The following PALLD variants were observed in gnomAD, a reference collection of about 807,000 sequenced individuals.
PALLD encodes palladin, cytoskeletal associated protein.
A neutral mutation model predicts 123.5 loss-of-function variants in PALLD; 61 were observed. The ratio of observed to expected loss-of-function variants is 0.49; its 90% CI spans 0.40 to 0.61. The LOEUF (loss-of-function observed/expected upper bound fraction) is 0.61. PALLD is among the 20% of genes least tolerant of loss of function. The probability of loss-of-function intolerance (pLI) is 0.00; values close to 1 mark genes in which losing one functional copy is unlikely to be tolerated. For missense variants in PALLD, 1,273 were observed against 1,377.0 expected, an observed-to-expected ratio of 0.92 and a Z score of 1.20; for synonymous variants, 465 against 496.4, an observed-to-expected ratio of 0.94 and a Z score of 0.84.
chr4:168,921,499 T>C (rs759928596), intron 17 of PALLD, 35 bp from the exon 18 acceptor site: 15 of 1,426,190 alleles, frequency 1.1e-5, no homozygotes, highest in Middle Eastern at 1.9e-4. Flanking sequence ...TCTGTTTTAA[T>C]ACAAAAATTT....
At chr4:168,605,937 AT>A (rs5863947) in intron 2 of PALLD, among the ~76,000 whole-genome samples, 26,368 of 151,044 alleles carry the variant, frequency 0.17, 2,383 homozygotes, top group East Asian at 0.32. Flanking sequence ...AGTTTGCCCA[AT>A]TTTTTTTTAG....
intron 10 of PALLD, among the ~76,000 whole-genome samples, chr4:168,826,797 C>T (rs757692228): frequency 1.3e-5 from 2 of 152,164 alleles, no homozygotes; most frequent in African/African-American, 4.8e-5. Flanking sequence ...AATACCTTAA[C>T]CTCCACTTCA....
chr4:168,707,565 G>A (rs969188609), intron 8 of PALLD, among the ~76,000 whole-genome samples: 4 of 152,232 alleles, frequency 2.6e-5, no homozygotes, highest in Admixed American at 1.3e-4. Flanking sequence ...GGCCTCTCAA[G>A]GATTTGGCTC....
chr4:168,827,286 T>C (rs900086175), intron 10 of PALLD, among the ~76,000 whole-genome samples: 5 of 152,208 alleles, frequency 3.3e-5, no homozygotes, highest in African/African-American at 4.8e-5. Context: ...GCCCTTTCCC[T>C]CCTCCCCTAC....
intron 4 of PALLD, among the ~76,000 whole-genome samples, chr4:168,682,647 T>C (rs1781657774): frequency 6.6e-6 from 1 of 152,206 alleles, no homozygotes; most frequent in Non-Finnish European, 1.5e-5. Flanking sequence ...TCAATAAAGA[T>C]TGGATTTTTT....
At chr4:168,528,544 TC>T (rs1764288720) in intron 2 of PALLD, among the ~76,000 whole-genome samples, 1 of 152,234 alleles carries the variant, frequency 6.6e-6, no homozygotes, top group Non-Finnish European at 1.5e-5. Context: ...CATCCAGTTA[TC>T]TCGCAAGCTC....
chr4:168,899,546 G>A (rs1755997798), intron 14 of PALLD, among the ~76,000 whole-genome samples: 1 of 152,168 alleles, frequency 6.6e-6, no homozygotes, highest in South Asian at 2.1e-4. Flanking sequence ...AATATGTGAA[G>A]AAATAACCAT....
chr4:168,646,324 G>A (rs1472142354), intron 2 of PALLD, among the ~76,000 whole-genome samples: 2 of 152,132 alleles, frequency 1.3e-5, no homozygotes, highest in African/African-American at 4.8e-5. Flanking sequence ...ATTCCCTCTG[G>A]TACTAGTGCA....
chr4:168,699,882 G>T (rs1331021334), intron 8 of PALLD: 1 of 152,910 alleles, frequency 6.5e-6, no homozygotes, highest in Non-Finnish European at 1.5e-5. Context: ...CATAATTAAG[G>T]TTATTAATAA....
intron 10 of PALLD, among the ~76,000 whole-genome samples, chr4:168,747,443 G>A (rs1730474215): frequency 6.6e-6 from 1 of 152,198 alleles, no homozygotes; most frequent in Non-Finnish European, 1.5e-5. Flanking sequence ...CCAGTTGAAG[G>A]TATTATTCCT....
intron 2 of PALLD, among the ~76,000 whole-genome samples, chr4:168,659,840 A>C (rs1428865462): frequency 1.3e-5 from 2 of 152,238 alleles, no homozygotes; most frequent in African/African-American, 4.8e-5. Context: ...AAGATAGCCA[A>C]AAGAAACTGT....
At chr4:168,591,075 C>T (rs185181689) in intron 2 of PALLD, among the ~76,000 whole-genome samples, 6 of 152,020 alleles carry the variant, frequency 3.9e-5, no homozygotes, top group Admixed American at 6.6e-5. Context: ...GACAGAGTTT[C>T]GCCATGTTGG....
intron 10 of PALLD, among the ~76,000 whole-genome samples, chr4:168,719,822 T>C (rs888265554): frequency 3.3e-5 from 5 of 152,194 alleles, no homozygotes; most frequent in African/African-American, 7.2e-5. Context: ...TGAGTAAGAA[T>C]ATGTGGTATT....
chr4:168,742,707 A>C (rs1788478337), intron 10 of PALLD, among the ~76,000 whole-genome samples: 1 of 152,204 alleles, frequency 6.6e-6, no homozygotes, highest in Non-Finnish European at 1.5e-5. Flanking sequence ...TTCGTTTCAC[A>C]GTTCAACTGA....
chr4:168,892,905 T>C (rs1219203835), intron 11 of PALLD, among the ~76,000 whole-genome samples: 4 of 152,210 alleles, frequency 2.6e-5, no homozygotes. Context: ...GTATCCACAC[T>C]TGAGAGCTTA....
intron 2 of PALLD, among the ~76,000 whole-genome samples, chr4:168,548,513 C>T (rs1366164563): frequency 1.3e-5 from 2 of 151,952 alleles, no homozygotes; most frequent in Non-Finnish European, 2.9e-5. Context: ...AAAGAGATTC[C>T]CCAAGGCTGA....
chr4:168,909,558 T>C (rs1405704966), intron 15 of PALLD, among the ~76,000 whole-genome samples: 2 of 152,176 alleles, frequency 1.3e-5, no homozygotes, highest in Admixed American at 1.3e-4. Context: ...TTGTGTTTTG[T>C]TTTAGCATTA....
chr4:168,539,305 C>G lies in PALLD; in HGVS notation c.908+26893C>G, dbSNP rs182702747. ...GGTTTCAGCTTTAAAAATTACGAGTCCTGCCCGGGCGCGGTGGCTCACGCC... is the reference window on the plus strand; with the variant it reads ...GGTTTCAGCTTTAAAAATTACGAGTGCTGCCCGGGCGCGGTGGCTCACGCC... On this transcript the variant is annotated intron_variant, in intron 2 of 21. Transcript: ENST00000505667. 4.6e-5 allele frequency among the ~76,000 whole-genome samples: 7 copies of G among 152,112 alleles called. No homozygotes were observed. In the East Asian group the frequency reaches 1.4e-3, roughly 30 times the overall value.
intron 9 of PALLD, among the ~76,000 whole-genome samples, 177 bp from the exon 10 acceptor site, chr4:168,711,404 T>C (rs536016981): frequency 1.5e-3 from 230 of 152,318 alleles, no homozygotes; most frequent in Non-Finnish European, 2.5e-3. Context: ...AAAACAAGCT[T>C]GAAAGAACCA....
Sources: allele counts gnomAD v4.1 joint callset (sites outside exome capture counted in the v4.1 genomes callset), GRCh38; gene constraint gnomAD v4.1.1; transcripts MANE v1.5; gene names NCBI Gene and HGNC (gene_info 2026-07-23, HGNC 2026-07-21).